FNIP2: variants seen among roughly 807,000 people sequenced by gnomAD.
FNIP2 encodes the protein folliculin-interacting protein 2.
A neutral mutation model predicts 108.7 loss-of-function variants in FNIP2; 32 were observed. The ratio of observed to expected loss-of-function variants is 0.29; its 90% CI spans 0.22 to 0.40. FNIP2 has a LOEUF of 0.40. Among genes scored for constraint, FNIP2 ranks in the 10% least tolerant of loss-of-function variants. FNIP2 has a pLI of 1.00. For synonymous variants in FNIP2, 480 were observed against 496.7 expected (o/e 0.97, Z 0.45); for missense variants, 1,202 against 1,381.6 (o/e 0.87, Z 2.06).
At chr4:158,789,636 A>G (rs1429993653) in intron 1 of FNIP2, among the ~76,000 whole-genome samples, 1 of 152,228 alleles carries the variant, frequency 6.6e-6, no homozygotes, top group Non-Finnish European at 1.5e-5. Flanking sequence ...AATGAATAAG[A>G]TAACACCCTG....
chr4:158,851,678 A>G (rs1051602866), intron 8 of FNIP2, among the ~76,000 whole-genome samples: 10 of 152,230 alleles, frequency 6.6e-5, no homozygotes, highest in African/African-American at 2.4e-4. Flanking sequence ...GTATCTGGGT[A>G]GTTGTATCAT....
intron 9 of FNIP2, 140 bp downstream of exon 9, chr4:158,859,398 G>A: frequency 9.1e-7 from 1 of 1,104,944 alleles, no homozygotes; most frequent in Non-Finnish European, 1.3e-6. Flanking sequence ...TAGGCATGTT[G>A]ATGTTAGTTA....
chr4:158,848,026 T>C (rs557724541), intron 7 of FNIP2, among the ~76,000 whole-genome samples: 126 of 152,292 alleles, frequency 8.3e-4, no homozygotes, highest in African/African-American at 2.8e-3. Flanking sequence ...ACTCCAGGCA[T>C]TGGCTCACAG....
At chr4:158,789,304 A>AGTGT (rs58194510) in intron 1 of FNIP2, among the ~76,000 whole-genome samples, 138 of 151,986 alleles carry the variant, frequency 9.1e-4, no homozygotes, top group African/African-American at 3.3e-3. Flanking sequence ...CTCTAAAAGC[A>AGTGT]GTGTGTGTGT....
intron 1 of FNIP2, among the ~76,000 whole-genome samples, chr4:158,785,886 G>T (rs1473903996): frequency 1.3e-5 from 2 of 152,048 alleles, no homozygotes; most frequent in African/African-American, 4.8e-5. Context: ...GGTCATATCT[G>T]ATTTACTCAG....
rs35070873 is a variant in FNIP2, at chr4:158,857,780, C to CAA, written c.858-1261_858-1260dup. ...CAATGTAGGGAGACTCCATCTCTAC[C>CAA]AAAAAAAAAAAAAAAAATGTATCCG... On this transcript the variant is annotated intron_variant, in intron 8 of 16. Coordinates refer to ENST00000264433, the MANE Select transcript of FNIP2 (RefSeq NM_020840.3). Among the ~76,000 whole-genome samples, 385 of 137,052 alleles carry CAA rather than the reference C, an allele frequency of 2.8e-3. 4 individuals carry two copies. The highest frequency in any genetic ancestry group is 0.023 in the South Asian group (94 of 4,098). The allele number at this position is 137,052 out of a possible 152,430, so 89.9% of individuals were successfully genotyped here. A position where few individuals can be genotyped will look rare whatever the true frequency, so the allele number is the denominator to read the frequency against.
intron 1 of FNIP2, among the ~76,000 whole-genome samples, chr4:158,804,466 T>C (rs187626059): frequency 2.7e-5 from 4 of 146,536 alleles, no homozygotes; most frequent in African/African-American, 1.0e-4. Flanking sequence ...CAGGCTGGAA[T>C]GCAGTGGTGC....
chr4:158,823,953 G>GGCCA (rs1560778722), intron 1 of FNIP2, among the ~76,000 whole-genome samples: 1 of 152,144 alleles, frequency 6.6e-6, no homozygotes, highest in Non-Finnish European at 1.5e-5. Flanking sequence ...AAAGGATGCT[G>GGCCA]GGCGTGATAA....
At chr4:158,787,132 C>A (rs78364530) in intron 1 of FNIP2, among the ~76,000 whole-genome samples, 6,936 of 152,172 alleles carry the variant, frequency 0.046, 405 homozygotes, top group African/African-American at 0.14. Flanking sequence ...GTATTTTCAG[C>A]CCCCATGAGT....
chr4:158,769,774 ATCTT>A (rs1365725581), intron 1 of FNIP2, among the ~76,000 whole-genome samples: 1 of 152,358 alleles, frequency 6.6e-6, no homozygotes, highest in East Asian at 1.9e-4. Context: ...CGAAAAAGGC[ATCTT>A]TCTTCTTTCT....
chr4:158,872,732 G>GTT, intron 14 of FNIP2: 1 of 964,966 alleles, frequency 1.0e-6, no homozygotes, highest in Non-Finnish European at 1.2e-6. Flanking sequence ...GTCTATGGTA[G>GTT]TGTTTTTTTT....
intron 7 of FNIP2, among the ~76,000 whole-genome samples, chr4:158,849,501 A>G (rs1033444105): frequency 1.3e-5 from 2 of 152,102 alleles, no homozygotes; most frequent in African/African-American, 2.4e-5. Flanking sequence ...CCAGAAGTTG[A>G]TTTGCTCAGC....
intron 1 of FNIP2, among the ~76,000 whole-genome samples, chr4:158,804,477 G>A (rs996079139): frequency 4.7e-5 from 7 of 148,436 alleles, no homozygotes; most frequent in Admixed American, 1.4e-4. Context: ...GCAGTGGTGC[G>A]GTCATAGCTG....
intron 8 of FNIP2, among the ~76,000 whole-genome samples, chr4:158,854,034 G>T: frequency 6.6e-6 from 1 of 151,926 alleles, no homozygotes; most frequent in East Asian, 1.9e-4. Context: ...GTATTTTTTT[G>T]TCCAGTATAA....
At chr4:158,771,211 G>A (rs746254371) in intron 1 of FNIP2, among the ~76,000 whole-genome samples, 1 of 152,116 alleles carries the variant, frequency 6.6e-6, no homozygotes, top group Non-Finnish European at 1.5e-5. Flanking sequence ...ACTTGATGAG[G>A]GCCCCCTTCA....
At chr4:158,887,874 A>C (rs1335183227) in intron 14 of FNIP2, among the ~76,000 whole-genome samples, 1 of 152,094 alleles carries the variant, frequency 6.6e-6, no homozygotes, top group African/African-American at 2.4e-5. Flanking sequence ...AAACTTAGAG[A>C]TTGACTGATA....
At chr4:158,867,349 C>T (rs1357977693) in intron 12 of FNIP2, among the ~76,000 whole-genome samples, 1 of 152,168 alleles carries the variant, frequency 6.6e-6, no homozygotes, top group South Asian at 2.1e-4. Flanking sequence ...CACACCAGCA[C>T]GCTCGCCTAA....
chr4:158,868,481 CAAAG>C lies in FNIP2; in HGVS notation c.1848_1851del (p.Glu617LeufsTer58), dbSNP rs1560816222. 6.2e-7 allele frequency: 1 copy of C among 1,613,994 alleles called. No homozygotes were observed. The highest frequency in any genetic ancestry group is 1.7e-5 in the Admixed American group (1 of 60,018). On this transcript the variant is annotated frameshift_variant, in exon 13 of 17. Coordinates refer to ENST00000264433, the MANE Select transcript of FNIP2 (RefSeq NM_020840.3). LOFTEE classifies it high-confidence loss of function. This position sits in a 1 kb window ranked among gnomAD's most constrained non-coding sequence, Gnocchi z 4.6. ...GTAGAGACCTGGGTCTTAAACCTGA[CAAAG>C]AAGCTAACAGGAGGCCAGAGCAGGG...
intron 14 of FNIP2, among the ~76,000 whole-genome samples, chr4:158,884,978 TAAAAAA>T (rs34333695): frequency 1.7e-5 from 2 of 120,182 alleles, no homozygotes; most frequent in African/African-American, 3.2e-5. Context: ...CTACCTCTGC[TAAAAAA>T]AAAAAAAAAA....
Sources: allele counts gnomAD v4.1 joint callset (sites outside exome capture counted in the v4.1 genomes callset), GRCh38; gene constraint gnomAD v4.1.1; non-coding constraint Gnocchi (gnomAD v3.1); transcripts MANE v1.5; gene names NCBI Gene and HGNC (gene_info 2026-07-23, HGNC 2026-07-21).